The following GRM7 variants were observed in gnomAD, a reference collection of about 807,000 sequenced individuals.
GRM7 encodes the protein metabotropic glutamate receptor 7.
In GRM7, 35 loss-of-function variants were observed where a neutral mutation model predicts 84.5. That is an observed-to-expected ratio of 0.41 (90% CI 0.32 to 0.55). GRM7 has a LOEUF of 0.55. Among genes scored for constraint, GRM7 ranks in the 20% least tolerant of loss-of-function variants. GRM7 has a pLI of 0.19. For missense variants in GRM7, 1,003 were observed against 1,194.6 expected (o/e 0.84, Z 2.36); for synonymous variants, 487 against 455.1 (o/e 1.07, Z -0.89).
chr3:6,875,962 T>C (rs897471316), intron 1 of GRM7, among the ~76,000 whole-genome samples: 5 of 152,088 alleles, frequency 3.3e-5, no homozygotes, highest in African/African-American at 1.2e-4. Flanking sequence ...AGCTGGTAGG[T>C]TGAATGGAAG....
intron 2 of GRM7, among the ~76,000 whole-genome samples, chr3:7,158,991 G>T (rs1431629422): frequency 1.3e-5 from 2 of 152,152 alleles, no homozygotes; most frequent in Non-Finnish European, 2.9e-5. Flanking sequence ...TGTCAGTTCT[G>T]TTGAGCTTGT....
intron 1 of GRM7, among the ~76,000 whole-genome samples, chr3:7,057,381 T>C (rs1196795839): frequency 6.6e-6 from 1 of 151,966 alleles, no homozygotes. Flanking sequence ...TACAAAGTAA[T>C]GCAATGGTTA....
chr3:7,515,979 C>T (rs1700361586), intron 7 of GRM7, among the ~76,000 whole-genome samples: 1 of 151,356 alleles, frequency 6.6e-6, no homozygotes, highest in Admixed American at 6.6e-5. Flanking sequence ...CCTGTCTCTA[C>T]AAAAAATAAA....
chr3:7,512,379 T>C (rs1030523278), intron 7 of GRM7, among the ~76,000 whole-genome samples: 6 of 152,290 alleles, frequency 3.9e-5, no homozygotes, highest in African/African-American at 9.6e-5. Flanking sequence ...TAAATTACCT[T>C]CTAGTGTGAG....
chr3:6,891,997 T>A (rs1173172424), intron 1 of GRM7, among the ~76,000 whole-genome samples: 1 of 152,224 alleles, frequency 6.6e-6, no homozygotes, highest in African/African-American at 2.4e-5. Flanking sequence ...CTTCCATCAC[T>A]GATACCCTTT....
chr3:7,670,098 A>G (rs936862651), intron 8 of GRM7, among the ~76,000 whole-genome samples: 2 of 152,142 alleles, frequency 1.3e-5, no homozygotes, highest in Non-Finnish European at 2.9e-5. Flanking sequence ...CATTACCTAG[A>G]TGTGCTTCAG....
chr3:7,546,698 G>GT (rs553425076), intron 7 of GRM7, among the ~76,000 whole-genome samples: 1,752 of 147,758 alleles, frequency 0.012, 13 homozygotes, highest in South Asian at 0.031. Context: ...AAAGCCTAGA[G>GT]TTTTTTTTTT....
intron 1 of GRM7, among the ~76,000 whole-genome samples, chr3:6,998,048 G>A (rs540730257): frequency 7.2e-4 from 101 of 140,538 alleles, no homozygotes; most frequent in African/African-American, 2.1e-3. Flanking sequence ...GAACCCACAA[G>A]GTGGAGGTTG....
chr3:7,464,131 C>G (rs548417504), intron 7 of GRM7, among the ~76,000 whole-genome samples: 1 of 152,056 alleles, frequency 6.6e-6, no homozygotes, highest in South Asian at 2.1e-4. Flanking sequence ...ACTAGAGGTG[C>G]GGGAAGCCTC....
At chr3:7,638,441 A>G (rs899029511) in intron 8 of GRM7, among the ~76,000 whole-genome samples, 5 of 152,192 alleles carry the variant, frequency 3.3e-5, no homozygotes, top group Non-Finnish European at 5.9e-5. Context: ...TTGACTGTAA[A>G]AGATTGCTCT....
At chr3:7,678,349 C>T (rs1225896239) in intron 8 of GRM7, among the ~76,000 whole-genome samples, 1 of 152,060 alleles carries the variant, frequency 6.6e-6, no homozygotes, top group Non-Finnish European at 1.5e-5. Context: ...CACTCATAAG[C>T]AGAGAAACAG....
At chr3:7,052,723 T>TTTTTTTTTG (rs1697053330) in intron 1 of GRM7, among the ~76,000 whole-genome samples, 2 of 149,866 alleles carry the variant, frequency 1.3e-5, no homozygotes, top group African/African-American at 4.9e-5. Flanking sequence ...ATCGGTAGTT[T>TTTTTTTTTG]TTTTTTTTTT....
At chr3:7,227,125 T>G (rs1024866774) in intron 2 of GRM7, among the ~76,000 whole-genome samples, 11 of 152,244 alleles carry the variant, frequency 7.2e-5, no homozygotes, top group Non-Finnish European at 1.3e-4. Flanking sequence ...CTTGCATTAT[T>G]CAGCCTGTTA....
At chr3:7,335,276 A>C (rs751860452) in intron 4 of GRM7, among the ~76,000 whole-genome samples, 10 of 152,106 alleles carry the variant, frequency 6.6e-5, no homozygotes, top group Non-Finnish European at 1.3e-4. Context: ...AAAACTATGC[A>C]AATTATGCAA....
At chr3:7,362,491 CTTTT>C (rs143040420) in intron 4 of GRM7, among the ~76,000 whole-genome samples, 3 of 151,108 alleles carry the variant, frequency 2.0e-5, no homozygotes, top group Admixed American at 6.6e-5. Context: ...TTAGAAAAAT[CTTTT>C]TTTTTCCCCA....
intron 8 of GRM7, among the ~76,000 whole-genome samples, chr3:7,655,396 A>G (rs1699135355): frequency 6.6e-6 from 1 of 152,214 alleles, no homozygotes; most frequent in South Asian, 2.1e-4. Flanking sequence ...ATCCTTTAGG[A>G]TGGCTATGGA....
intron 2 of GRM7, among the ~76,000 whole-genome samples, chr3:7,182,912 T>TTTTTTTG (rs1695389913): frequency 6.6e-6 from 1 of 151,768 alleles, no homozygotes; most frequent in Non-Finnish European, 1.5e-5. Flanking sequence ...TTTTTTTTTT[T>TTTTTTTG]TTTCAATGAA....
intron 3 of GRM7, 31 bp downstream of exon 3, chr3:7,298,856 G>C: frequency 6.3e-7 from 1 of 1,586,462 alleles, no homozygotes; most frequent in South Asian, 1.1e-5. Context: ...TTGTTAATAT[G>C]CATGTTGCAA....
intron 1 of GRM7, among the ~76,000 whole-genome samples, chr3:6,900,439 C>G (rs576839717): frequency 6.6e-6 from 1 of 152,044 alleles, no homozygotes; most frequent in South Asian, 2.1e-4. Context: ...TTAGACACCA[C>G]TTAAAACTAA....
Sources: gnomAD v4.1 joint callset for allele counts (sites outside exome capture counted in the v4.1 genomes callset) on GRCh38, gnomAD v4.1.1 for gene constraint, MANE v1.5 for transcripts, NCBI Gene and HGNC (gene_info 2026-07-23, HGNC 2026-07-21) for gene names.